ZNF385D: variants seen among roughly 807,000 people sequenced by gnomAD.
ZNF385D encodes zinc finger protein 659.
Under a neutral mutation model 35.8 loss-of-function variants are expected in ZNF385D, and 15 were observed. That is an observed-to-expected ratio of 0.42 (90% CI 0.28 to 0.64). The LOEUF is 0.64. Ranked by LOEUF, ZNF385D falls within the 30% of genes least tolerant of loss-of-function variation. The probability of loss-of-function intolerance (pLI) is 0.23; values close to 1 mark genes in which losing one functional copy is unlikely to be tolerated. For missense variants in ZNF385D, 474 were observed against 494.6 expected (o/e 0.96, Z 0.39); for synonymous variants, 212 against 186.8 (o/e 1.13, Z -1.10).
intron 3 of ZNF385D, among the ~76,000 whole-genome samples, chr3:21,987,858 T>G (rs1473756457): frequency 7.4e-6 from 1 of 134,898 alleles, no homozygotes; most frequent in Non-Finnish European, 1.6e-5. Flanking sequence ...CTTGGAGGCT[T>G]TGCTCATTTC....
At chr3:21,905,205 C>CAA (rs63147760) in intron 3 of ZNF385D, among the ~76,000 whole-genome samples, 152 of 69,574 alleles carry the variant, frequency 2.2e-3, no homozygotes, top group African/African-American at 3.0e-3. Flanking sequence ...ACAAAAAATC[C>CAA]AAAAAAAAAA....
At chr3:21,821,691 G>T (rs537580482) in intron 3 of ZNF385D, among the ~76,000 whole-genome samples, 1 of 152,138 alleles carries the variant, frequency 6.6e-6, no homozygotes, top group African/African-American at 2.4e-5. Context: ...GGCTAGGTGT[G>T]GTGGCTCGCG....
chr3:22,123,092 A>C (rs150034567), intron 3 of ZNF385D, among the ~76,000 whole-genome samples: 4 of 152,308 alleles, frequency 2.6e-5, no homozygotes, highest in East Asian at 3.9e-4. Flanking sequence ...GTTCTGATAG[A>C]AACACTCTGG....
At chr3:22,142,209 T>C (rs1018694080) in intron 3 of ZNF385D, among the ~76,000 whole-genome samples, 6 of 152,332 alleles carry the variant, frequency 3.9e-5, no homozygotes, top group African/African-American at 1.4e-4. Flanking sequence ...CTTCAGTATG[T>C]TCTTTACTAG....
chr3:21,568,122 G>A (rs2063212094), intron 2 of ZNF385D, among the ~76,000 whole-genome samples: 1 of 151,930 alleles, frequency 6.6e-6, no homozygotes, highest in African/African-American at 2.4e-5. Flanking sequence ...ACCATCAAAA[G>A]TAATTATCTT....
At chr3:22,208,952 C>T (rs1172686083) in intron 2 of ZNF385D, among the ~76,000 whole-genome samples, 2 of 151,738 alleles carry the variant, frequency 1.3e-5, no homozygotes, top group African/African-American at 2.4e-5. Flanking sequence ...ATGTTTGTTG[C>T]CAGTTTATAT....
chr3:21,846,266 A>G (rs1490349386), intron 3 of ZNF385D, among the ~76,000 whole-genome samples: 1 of 152,028 alleles, frequency 6.6e-6, no homozygotes, highest in East Asian at 1.9e-4. Context: ...TTCTAATAAA[A>G]ATATACTATA....
At chr3:22,083,993 G>A (rs1397543172) in intron 3 of ZNF385D, among the ~76,000 whole-genome samples, 4 of 152,224 alleles carry the variant, frequency 2.6e-5, no homozygotes, top group Admixed American at 6.5e-5. Flanking sequence ...AGCTTCATAC[G>A]TGAAGGAGAA....
Position 21,766,700 on chromosome 3 carries a change from T to A in ZNF385D, c.326-101672A>T, listed in dbSNP as rs142089379. Among the ~76,000 whole-genome samples the A allele has an allele frequency of 2.5e-3, 383 of 152,042 alleles. 4 individuals carry two copies. The South Asian group carries it at 0.028, about 11-fold the overall frequency. ...ATAAGGAAGGTCAAGAAGAGTAAGATAGAATAGCTGAAAGTGAAAAGAAGG... is the reference window on the plus strand; with the variant it reads ...ATAAGGAAGGTCAAGAAGAGTAAGAAAGAATAGCTGAAAGTGAAAAGAAGG... On this transcript the variant is annotated intron_variant, in intron 3 of 5. Transcript: ENST00000494108.
intron 3 of ZNF385D, among the ~76,000 whole-genome samples, chr3:22,103,908 A>T (rs1238246906): frequency 2.6e-5 from 4 of 152,094 alleles, no homozygotes; most frequent in Admixed American, 1.3e-4. Flanking sequence ...ATTGAATTAT[A>T]TGGCTTTAAA....
chr3:22,208,660 T>G (rs901626768), intron 2 of ZNF385D, among the ~76,000 whole-genome samples: 2 of 151,728 alleles, frequency 1.3e-5, no homozygotes, highest in African/African-American at 2.4e-5. Context: ...CATATCAAAA[T>G]ATCTTATGTA....
intron 3 of ZNF385D, among the ~76,000 whole-genome samples, chr3:21,757,655 C>G (rs773821362): frequency 6.6e-6 from 1 of 152,152 alleles, no homozygotes; most frequent in African/African-American, 2.4e-5. Context: ...AAATTACAGA[C>G]ACCTCTGTAT....
At chr3:22,214,249 C>T (rs190429842) in intron 2 of ZNF385D, among the ~76,000 whole-genome samples, 1 of 152,030 alleles carries the variant, frequency 6.6e-6, no homozygotes, top group Non-Finnish European at 1.5e-5. Flanking sequence ...AATCAATACC[C>T]TTGTGATTTC....
chr3:21,676,312 C>T (rs780246365), intron 1 of ZNF385D, among the ~76,000 whole-genome samples: 3 of 152,072 alleles, frequency 2.0e-5, no homozygotes, highest in African/African-American at 4.8e-5. Flanking sequence ...ACATTCCCTG[C>T]GGAGCTGACT....
intron 3 of ZNF385D, among the ~76,000 whole-genome samples, chr3:21,847,492 T>G (rs947042260): frequency 2.6e-5 from 4 of 152,130 alleles, no homozygotes; most frequent in African/African-American, 9.6e-5. Flanking sequence ...AATTGTTTTA[T>G]GCTGATTAGG....
At chr3:21,657,749 A>G (rs1218474788) in intron 2 of ZNF385D, among the ~76,000 whole-genome samples, 1 of 152,010 alleles carries the variant, frequency 6.6e-6, no homozygotes, top group Non-Finnish European at 1.5e-5. Flanking sequence ...TAGTGGTAGC[A>G]GCAGTTGTAT....
At chr3:21,752,320 G>A (rs532530875), upstream of ZNF385D, among the ~76,000 whole-genome samples, 2 of 152,214 alleles carry the variant, frequency 1.3e-5, no homozygotes, top group South Asian at 2.1e-4. Flanking sequence ...ATGAAATTAA[G>A]AACCAAATAT....
chr3:21,446,150 A>G (rs1410355076), intron 4 of ZNF385D, among the ~76,000 whole-genome samples: 1 of 152,212 alleles, frequency 6.6e-6, no homozygotes, highest in Non-Finnish European at 1.5e-5. Flanking sequence ...ACAAGTTCCC[A>G]GGTATTGCTG....
Position 21,603,522 on chromosome 3 carries a change from ATATTT to A in ZNF385D, c.166-38843_166-38839del, listed in dbSNP as rs1369433330. 2.0e-5 allele frequency among the ~76,000 whole-genome samples: 3 copies of A among 152,362 alleles called. No individual in the cohort carries two copies. The East Asian group carries it at 5.8e-4, about 29-fold the overall frequency. ...AAGTTATGTTACATCTGTACAGTTTATATTTTATTTGTAAAAAAATAATGAGCTAG... is the reference window on the plus strand; with the variant it reads ...AAGTTATGTTACATCTGTACAGTTTATATTTGTAAAAAAATAATGAGCTAG... On this transcript the variant is annotated intron_variant, in intron 2 of 7. Coordinates refer to ENST00000281523, the MANE Select transcript of ZNF385D (RefSeq NM_024697.3).
Sources: gnomAD v4.1 joint callset for allele counts (sites outside exome capture counted in the v4.1 genomes callset) on GRCh38, gnomAD v4.1.1 for gene constraint, MANE v1.5 for transcripts, NCBI Gene and HGNC (gene_info 2026-07-23, HGNC 2026-07-21) for gene names.